TRIQK: variants seen among roughly 807,000 people sequenced by gnomAD.
TRIQK encodes triple QxxK/R motif-containing protein.
TRIQK carries 10 observed loss-of-function variants against 10.8 expected under a neutral mutation model. The ratio of observed to expected loss-of-function variants is 0.92; its 90% CI spans 0.57 to 1.57. TRIQK has a LOEUF of 1.57. TRIQK is among the 40% of genes most tolerant of loss of function. The probability of loss-of-function intolerance (pLI) is 0.00; values close to 1 mark genes in which losing one functional copy is unlikely to be tolerated. For missense variants in TRIQK, 107 were observed against 97.7 expected, an observed-to-expected ratio of 1.09 and a Z score of -0.40; for synonymous variants, 33 against 33.7, an observed-to-expected ratio of 0.98 and a Z score of 0.07.
chr8:92,937,235 C>A (rs533411686), intron 2 of TRIQK, among the ~76,000 whole-genome samples: 15 of 145,216 alleles, frequency 1.0e-4, no homozygotes, highest in Non-Finnish European at 1.9e-4. Context: ...TATACACTTA[C>A]AAAACAACTT....
chr8:92,894,704 A>C (rs912004768), intron 3 of TRIQK, among the ~76,000 whole-genome samples: 2 of 152,116 alleles, frequency 1.3e-5, no homozygotes, highest in African/African-American at 2.4e-5. Context: ...GAACTAACCT[A>C]TTAGTTCTTT....
intron 3 of TRIQK, among the ~76,000 whole-genome samples, chr8:92,893,534 T>C (rs919600114): frequency 6.6e-6 from 1 of 151,918 alleles, no homozygotes; most frequent in Admixed American, 6.6e-5. Context: ...AATAATGGAA[T>C]GAACAAAATA....
intron 1 of TRIQK, among the ~76,000 whole-genome samples, chr8:92,983,980 G>A (rs953201657): frequency 2.0e-5 from 3 of 152,188 alleles, no homozygotes; most frequent in African/African-American, 7.2e-5. Flanking sequence ...ATTTGGTCAA[G>A]TCACTCCGAC....
chr8:92,911,289 T>C (rs568528733), intron 3 of TRIQK, among the ~76,000 whole-genome samples: 1 of 150,478 alleles, frequency 6.6e-6, no homozygotes, highest in South Asian at 2.1e-4. Context: ...TCAGAAGAGA[T>C]AAATAGAAAG....
upstream of TRIQK, among the ~76,000 whole-genome samples, chr8:92,970,828 T>C (rs185831316): frequency 6.6e-6 from 1 of 152,324 alleles, no homozygotes; most frequent in African/African-American, 2.4e-5. Flanking sequence ...ATTTTTGCTT[T>C]TGTTGCAATT....
intron 1 of TRIQK, among the ~76,000 whole-genome samples, chr8:92,976,552 A>G (rs931474287): frequency 5.9e-5 from 9 of 152,086 alleles, no homozygotes; most frequent in Non-Finnish European, 1.3e-4. Context: ...TTTTGTAGAC[A>G]ACATGTAGTT....
chr8:92,949,678 AAGAAAG>A (rs1275848630), intron 2 of TRIQK, among the ~76,000 whole-genome samples: 3 of 98,774 alleles, frequency 3.0e-5, no homozygotes, highest in Non-Finnish European at 5.8e-5. Context: ...GAAGGAAAGA[AAGAAAG>A]AAAGAAAGAA....
chr8:92,918,690 T>A (rs527606612), intron 2 of TRIQK, among the ~76,000 whole-genome samples: 2 of 152,000 alleles, frequency 1.3e-5, no homozygotes, highest in Non-Finnish European at 2.9e-5. Flanking sequence ...TTGTTGATTG[T>A]TTTCTTTGCT....
chr8:93,016,167 A>G (rs577359713), intron 1 of TRIQK, among the ~76,000 whole-genome samples: 2 of 152,346 alleles, frequency 1.3e-5, no homozygotes, highest in South Asian at 2.1e-4. Context: ...AAAATATAGT[A>G]TAAAGTCTGA....
chr8:93,010,958 C>A (rs1038188307), intron 1 of TRIQK, among the ~76,000 whole-genome samples: 3 of 152,024 alleles, frequency 2.0e-5, no homozygotes, highest in African/African-American at 7.2e-5. Flanking sequence ...TTTCTCTTAC[C>A]TAAGCATTTT....
chr8:92,904,120 G>T (rs1809114263), intron 3 of TRIQK, among the ~76,000 whole-genome samples: 1 of 151,530 alleles, frequency 6.6e-6, no homozygotes, highest in Non-Finnish European at 1.5e-5. Context: ...CTCCTAGAAG[G>T]AGTTTAACAG....
At chr8:93,010,359 A>G (rs1259859730) in intron 1 of TRIQK, among the ~76,000 whole-genome samples, 3 of 152,162 alleles carry the variant, frequency 2.0e-5, no homozygotes, top group South Asian at 2.1e-4. Context: ...GTATTGAAAC[A>G]TCACATTGTA....
At chr8:92,999,068 G>T (rs943412573) in intron 1 of TRIQK, among the ~76,000 whole-genome samples, 3 of 152,096 alleles carry the variant, frequency 2.0e-5, no homozygotes, top group African/African-American at 7.2e-5. Flanking sequence ...TGTCTACTAT[G>T]TTCCAGATAT....
intron 2 of TRIQK, among the ~76,000 whole-genome samples, chr8:92,949,812 AAG>A (rs1356078057): frequency 7.1e-6 from 1 of 140,696 alleles, no homozygotes; most frequent in Non-Finnish European, 1.6e-5. Context: ...GAAAGAAAGA[AAG>A]AAAGAAAGAA....
intron 3 of TRIQK, among the ~76,000 whole-genome samples, chr8:92,893,919 A>T (rs971090287): frequency 6.6e-6 from 1 of 152,068 alleles, no homozygotes; most frequent in Non-Finnish European, 1.5e-5. Context: ...TTTTTTATAC[A>T]GATATGAAAT....
At chr8:92,915,670 T>TG (rs1484638830) in intron 3 of TRIQK, among the ~76,000 whole-genome samples, 5 of 150,874 alleles carry the variant, frequency 3.3e-5, no homozygotes, top group Admixed American at 2.0e-4. Context: ...TTTTTTTTTT[T>TG]TTGTATTTTT....
At chr8:92,972,705 AGAAGG>A (rs760915202) in intron 1 of TRIQK, 1 of 152,274 alleles carries the variant, frequency 6.6e-6, no homozygotes, top group African/African-American at 2.4e-5. Flanking sequence ...CCCACTAAGT[AGAAGG>A]CTAAGCAGTG....
intron 3 of TRIQK, among the ~76,000 whole-genome samples, chr8:92,901,149 A>G (rs534072909): frequency 3.9e-5 from 6 of 152,180 alleles, no homozygotes; most frequent in African/African-American, 1.2e-4. Context: ...AGTTTCTCAT[A>G]AAGTCTTTTG....
At chr8:92,905,926 C>T (rs2130378003) in intron 3 of TRIQK, among the ~76,000 whole-genome samples, 2 of 152,272 alleles carry the variant, frequency 1.3e-5, no homozygotes, top group Admixed American at 1.3e-4. Context: ...ACTCAGGGAT[C>T]ATCTGGCCTG....
Sources: allele counts gnomAD v4.1 joint callset (sites outside exome capture counted in the v4.1 genomes callset), GRCh38; gene constraint gnomAD v4.1.1; transcripts MANE v1.5; gene names NCBI Gene and HGNC (gene_info 2026-07-23, HGNC 2026-07-21).